The following SEPTIN3 variants were observed in gnomAD, a reference collection of about 807,000 sequenced individuals.
The protein encoded by SEPTIN3 is neuronal-specific septin-3.
In SEPTIN3, 15 loss-of-function variants were observed where a neutral mutation model predicts 45.1. The ratio of observed to expected loss-of-function variants is 0.33; its 90% CI spans 0.22 to 0.51. The LOEUF (loss-of-function observed/expected upper bound fraction) is 0.51, where lower values mean the gene tolerates loss of function less well. Among genes scored for constraint, SEPTIN3 ranks in the 20% least tolerant of loss-of-function variants. SEPTIN3 has a pLI of 0.97. For synonymous variants in SEPTIN3, 148 were observed against 164.8 expected, an observed-to-expected ratio of 0.90 and a Z score of 0.78; for missense variants, 289 against 457.2, an observed-to-expected ratio of 0.63 and a Z score of 3.35.
rs578223576 is a variant in SEPTIN3 at position 41,996,165 on chromosome 22, A to G, written c.2506-737A>G. On this transcript the variant is annotated intron_variant, in intron 11 of 11. Coordinates refer to ENST00000644076, the MANE Select transcript of SEPTIN3 (RefSeq NM_001363845.2). The stretch of plus-strand genomic sequence containing the variant: ...CTCCTGACTCCTGTAGACATTCCCA[A>G]TGATACCCACCGTCATACATTTAGG... 3,014 of 985,234 alleles carry G rather than the reference A, an allele frequency of 3.1e-3. 8 individuals carry two copies. Among genetic ancestry groups the G allele is most frequent in the Non-Finnish European group, 3.2e-3 (2,615 of 829,818 alleles). 61.0% of individuals were successfully genotyped at this position (985,234 alleles called of 1,614,324 possible).
intron 7 of SEPTIN3, 66 bp downstream of exon 7, chr22:41,989,750 C>A: frequency 9.6e-7 from 1 of 1,046,922 alleles, no homozygotes; most frequent in Non-Finnish European, 1.5e-6. Context: ...GGGTTCAGGC[C>A]ATCTCCTAGC....
chr22:41,989,893 G>A (rs1474712551), intron 7 of SEPTIN3, among the ~76,000 whole-genome samples: 1 of 151,856 alleles, frequency 6.6e-6, no homozygotes, highest in Admixed American at 6.6e-5. Context: ...GCACAGCTCT[G>A]GGCTGCCTTC....
intron 3 of SEPTIN3, 22 bp from the exon 4 acceptor site, chr22:41,985,959 ACCT>A (rs1232351083): frequency 6.3e-7 from 1 of 1,586,308 alleles, no homozygotes; most frequent in Non-Finnish European, 8.6e-7. Context: ...GAGTCTCCCT[ACCT>A]CCTCCTCCTG....
intron 2 of SEPTIN3, among the ~76,000 whole-genome samples, chr22:41,975,911 A>G (rs1317696127): frequency 6.6e-6 from 1 of 152,096 alleles, no homozygotes; most frequent in East Asian, 1.9e-4. Context: ...GTGACTCACC[A>G]TTACCTTCCA....
In SEPTIN3 at chr22:41,971,690, G is replaced by A; in HGVS notation, c.198G>A (p.Gln66=). ...CCTTCCCCCAAAGCCATATCCCACAGACCTCCAGCCGGCTGGGCCTTGGAG... is the reference window on the plus strand; with the variant it reads ...CCTTCCCCCAAAGCCATATCCCACAAACCTCCAGCCGGCTGGGCCTTGGAG... The part of the protein sequence containing the change: ...LDTFPQSHIP[Q]TSSRLGLGAR... Residue 66 remains glutamine, a synonymous_variant, in exon 2 of 12, where the codon CAG becomes CAA. Transcript: ENST00000644076. 2.5e-6 allele frequency: 1 copy of A among 398,932 alleles called. No homozygotes were observed. The highest frequency in any genetic ancestry group is 4.4e-5 in the Admixed American group (1 of 22,700). 24.7% of individuals were successfully genotyped at this position (398,932 alleles called of 1,614,324 possible).
chr22:41,995,358 C>T (rs2078412611), intron 11 of SEPTIN3: 1 of 987,836 alleles, frequency 1.0e-6, no homozygotes, highest in Admixed American at 5.9e-5. Context: ...TCAGTGCCTA[C>T]AAATGGAGCT....
intron 11 of SEPTIN3, 174 bp from the exon 12 acceptor site, chr22:41,996,728 T>C (rs2078446804): frequency 1.3e-6 from 2 of 1,495,612 alleles, no homozygotes; most frequent in African/African-American, 1.4e-5. Context: ...TATGGAGACC[T>C]TGGACCAGCA....
chr22:41,974,120 C>T (rs1490180651), intron 2 of SEPTIN3, among the ~76,000 whole-genome samples: 6 of 146,102 alleles, frequency 4.1e-5, no homozygotes, highest in Non-Finnish European at 4.5e-5. Flanking sequence ...CATGATTGTG[C>T]GACAGAGCAA....
intron 2 of SEPTIN3, 70 bp downstream of exon 2, chr22:41,973,066 G>T: frequency 2.5e-6 from 1 of 398,284 alleles, no homozygotes; most frequent in South Asian, 1.4e-4. Flanking sequence ...CTTGGAGATG[G>T]ATCATGCTTG....
intron 11 of SEPTIN3, chr22:41,996,295 A>G (rs2078435971): frequency 5.1e-6 from 5 of 985,404 alleles, no homozygotes; most frequent in Non-Finnish European, 6.0e-6. Context: ...AGATTCATGA[A>G]ATTCGGGGCC....
In SEPTIN3 at chr22:41,976,958, G is replaced by T; in HGVS notation, c.1504+3962G>T. On this transcript the variant is annotated intron_variant, in intron 2 of 11. Coordinates refer to ENST00000644076, the MANE Select transcript of SEPTIN3 (RefSeq NM_001363845.2). The surrounding 1 kb of genome is among the most constrained non-coding windows in gnomAD (Gnocchi z 5.8). ...GTGGGAGGAGAGCGCGAAGGGGCGA[G>T]GCCCGTTTGCAGGGGCCGCTCGGCC... 8.8e-7 allele frequency: 1 copy of T among 1,132,442 alleles called. No individual in the cohort carries two copies. The highest frequency in any genetic ancestry group is 1.2e-6 in the Non-Finnish European group (1 of 826,762). The allele number at this position is 1,132,442 out of a possible 1,614,324, so 70.1% of individuals were successfully genotyped here.
chr22:41,977,155 G>A (rs1403170872), intron 2 of SEPTIN3: 10 of 1,456,962 alleles, frequency 6.9e-6, no homozygotes, highest in South Asian at 3.8e-5. Context: ...CGCTCCTGGG[G>A]GAGGGTTTCC....
At position 41,997,960 on chromosome 22, in the gene SEPTIN3, C is replaced by T. The variant is rs147428128; in HGVS notation, c.*993C>T. ...TCCCCTTTGCCCACCCTCTTCCTGT[C>T]TCCACCTGGACACAACTTGCTCAAA... On this transcript the variant is annotated 3_prime_UTR_variant, in exon 12 of 12. Coordinates refer to ENST00000644076, the MANE Select transcript of SEPTIN3 (RefSeq NM_001363845.2). The T allele has an allele frequency of 2.0e-5, 3 of 152,828 alleles. No individual in the cohort carries two copies. Among genetic ancestry groups the T allele is most frequent in the African/African-American group, 7.2e-5 (3 of 41,592 alleles). 9.5% of individuals were successfully genotyped at this position (152,828 alleles called of 1,614,324 possible).
At chr22:41,974,419 C>G (rs1432873150) in intron 2 of SEPTIN3, among the ~76,000 whole-genome samples, 1 of 151,998 alleles carries the variant, frequency 6.6e-6, no homozygotes, top group Non-Finnish European at 1.5e-5. Flanking sequence ...AATCCCAGAA[C>G]TTTGGGAGGC....
intron 1 of SEPTIN3, among the ~76,000 whole-genome samples, chr22:41,971,104 A>G (rs1031390233): frequency 6.6e-6 from 1 of 152,152 alleles, no homozygotes; most frequent in Non-Finnish European, 1.5e-5. Flanking sequence ...GTCCCTGAAC[A>G]TGTATGTGAC....
At chr22:41,990,203 G>A (rs1034659106) in intron 7 of SEPTIN3, among the ~76,000 whole-genome samples, 5 of 151,828 alleles carry the variant, frequency 3.3e-5, no homozygotes, top group Non-Finnish European at 5.9e-5. Context: ...ACCACGCCTG[G>A]CTAATTTTGT....
At chr22:41,992,617 A>T in intron 8 of SEPTIN3, 47 bp from the exon 9 acceptor site, 2 of 1,289,604 alleles carry the variant, frequency 1.6e-6, no homozygotes, top group Non-Finnish European at 2.2e-6. Flanking sequence ...AGGTTGTTGG[A>T]GGATGACGGT....
intron 2 of SEPTIN3, chr22:41,977,061 A>T: frequency 6.2e-7 from 1 of 1,601,488 alleles, no homozygotes; most frequent in Non-Finnish European, 8.5e-7. Context: ...ACAAAGGAGG[A>T]TTCATGTCCA....
Position 41,981,691 on chromosome 22 carries a change from TGAGCCCAGGC to T in SEPTIN3, c.1552_1561del (p.Glu518LeufsTer7). 6.2e-7 allele frequency: 1 copy of T among 1,613,908 alleles called. No individual in the cohort carries two copies. Among genetic ancestry groups the T allele is most frequent in the Non-Finnish European group, 8.5e-7 (1 of 1,179,986 alleles). On this transcript the variant is annotated frameshift_variant, in exon 3 of 12. Transcript: ENST00000644076. LOFTEE classifies it high-confidence loss of function. ...ACGCAGCCATGTCAGAGCTGGTGCC[TGAGCCCAGGC>T]CTAAGCCAGCGGTGCCCATGAAGCC...
Sources: allele counts gnomAD v4.1 joint callset (sites outside exome capture counted in the v4.1 genomes callset), GRCh38; gene constraint gnomAD v4.1.1; non-coding constraint Gnocchi (gnomAD v3.1); transcripts MANE v1.5; gene names NCBI Gene and HGNC (gene_info 2026-07-23, HGNC 2026-07-21).